Variants in OPCML observed in about 807,000 individuals in gnomAD.
The protein encoded by OPCML is opioid-binding protein/cell adhesion molecule.
OPCML carries 13 observed loss-of-function variants against 37.8 expected under a neutral mutation model. That is an observed-to-expected ratio of 0.34 (90% CI 0.22 to 0.55). The LOEUF (loss-of-function observed/expected upper bound fraction) is 0.55. Among genes scored for constraint, OPCML ranks in the 20% least tolerant of loss-of-function variants. OPCML has a pLI of 0.91. For missense variants in OPCML, 341 were observed against 435.6 expected (o/e 0.78, Z 1.93); for synonymous variants, 176 against 168.8 (o/e 1.04, Z -0.33).
chr11:132,708,332 A>T (rs1944119958), intron 2 of OPCML, among the ~76,000 whole-genome samples: 1 of 152,214 alleles, frequency 6.6e-6, no homozygotes, highest in African/African-American at 2.4e-5. Flanking sequence ...CCCAACATAC[A>T]TACACTTTCT....
intron 1 of OPCML, among the ~76,000 whole-genome samples, chr11:133,476,809 C>T (rs1947250388): frequency 6.6e-6 from 1 of 152,206 alleles, no homozygotes; most frequent in Non-Finnish European, 1.5e-5. Flanking sequence ...CCCCCGCTGG[C>T]TCTCCTTGCC....
chr11:132,794,903 A>G (rs1010702419), intron 2 of OPCML, among the ~76,000 whole-genome samples: 2 of 148,370 alleles, frequency 1.3e-5, no homozygotes, highest in Admixed American at 1.3e-4. Flanking sequence ...CATGAGTAAA[A>G]AAAAAAAAAA....
intron 1 of OPCML, among the ~76,000 whole-genome samples, chr11:132,969,194 G>A (rs116005081): frequency 0.018 from 2,685 of 150,860 alleles, 79 homozygotes; most frequent in African/African-American, 0.062. Context: ...GTTTTGCTTG[G>A]TAAACTATTT....
chr11:133,527,807 C>A (rs1948519212), intron 1 of OPCML, among the ~76,000 whole-genome samples: 2 of 152,122 alleles, frequency 1.3e-5, no homozygotes, highest in African/African-American at 4.8e-5. Flanking sequence ...ACCAAATAAG[C>A]CTCAAAGAGC....
intron 1 of OPCML, among the ~76,000 whole-genome samples, chr11:132,999,887 A>G (rs1440391734): frequency 1.3e-5 from 2 of 152,170 alleles, no homozygotes; most frequent in South Asian, 2.1e-4. Context: ...AAGTAGCCCA[A>G]CCTCTACCCA....
intron 4 of OPCML, among the ~76,000 whole-genome samples, chr11:132,497,076 A>T (rs1306593602): frequency 6.6e-6 from 1 of 152,142 alleles, no homozygotes; most frequent in African/African-American, 2.4e-5. Flanking sequence ...AAGGAATAAG[A>T]TCATGTATTT....
chr11:132,949,410 A>T (rs1351722861), intron 1 of OPCML, among the ~76,000 whole-genome samples: 1 of 152,180 alleles, frequency 6.6e-6, no homozygotes. Flanking sequence ...TTACGGAGAA[A>T]GACAAAGGGG....
At chr11:132,660,152 T>A (rs2135782758) in intron 2 of OPCML, among the ~76,000 whole-genome samples, 1 of 152,344 alleles carries the variant, frequency 6.6e-6, no homozygotes, top group Non-Finnish European at 1.5e-5. Context: ...AGGCCCCTTT[T>A]TTTAAATGCC....
chr11:132,529,666 A>T (rs1168089831), intron 3 of OPCML, among the ~76,000 whole-genome samples: 1 of 152,110 alleles, frequency 6.6e-6, no homozygotes, highest in Non-Finnish European at 1.5e-5. Context: ...GACCCTTTTA[A>T]AATCTTTGAC....
intron 2 of OPCML, among the ~76,000 whole-genome samples, chr11:132,823,603 A>T (rs1225496082): frequency 6.6e-6 from 1 of 151,948 alleles, no homozygotes; most frequent in African/African-American, 2.4e-5. Context: ...AAACAAACAA[A>T]CAAACAAACA....
intron 3 of OPCML, among the ~76,000 whole-genome samples, chr11:132,565,013 C>G (rs909386629): frequency 2.0e-5 from 3 of 152,118 alleles, no homozygotes; most frequent in Non-Finnish European, 4.4e-5. Flanking sequence ...TGGTGACAGT[C>G]CAACAAGAAG....
intron 4 of OPCML, among the ~76,000 whole-genome samples, chr11:132,466,476 T>C (rs1192585493): frequency 7.0e-6 from 1 of 143,208 alleles, no homozygotes; most frequent in East Asian, 2.3e-4. Flanking sequence ...ACAGCGAGAC[T>C]CCGTCTCGGA....
intron 2 of OPCML, among the ~76,000 whole-genome samples, chr11:132,741,469 G>T (rs1016319251): frequency 6.6e-6 from 1 of 152,082 alleles, no homozygotes; most frequent in Admixed American, 6.5e-5. Flanking sequence ...CCATCAAGTG[G>T]CATGACTCGA....
Position 132,578,379 on chromosome 11 carries a change from G to GCTA in OPCML, c.380-49196_380-49194dup, listed in dbSNP as rs200651125. 6.7e-3 allele frequency among the ~76,000 whole-genome samples: 1,019 copies of GCTA among 152,292 alleles called. 4 individuals are homozygous for GCTA. Among genetic ancestry groups the GCTA allele is most frequent in the Non-Finnish European group, 0.01 (693 of 68,028 alleles). ...AAAGAAAACAATAGCAGTAAATTCT[G>GCTA]CTACAGATGAAGTAGGATGTTCTAC... On this transcript the variant is annotated intron_variant, in intron 3 of 7. Transcript: ENST00000524381.
intron 1 of OPCML, among the ~76,000 whole-genome samples, chr11:133,234,889 G>C (rs534087189): frequency 6.6e-6 from 1 of 152,242 alleles, no homozygotes; most frequent in South Asian, 2.1e-4. Flanking sequence ...TCAAAGTCCA[G>C]GCTCGTCTCT....
chr11:133,302,960 AT>A (rs1429358705), intron 1 of OPCML, among the ~76,000 whole-genome samples: 1 of 152,198 alleles, frequency 6.6e-6, no homozygotes, highest in Non-Finnish European at 1.5e-5. Flanking sequence ...GGAATGATTA[AT>A]TTGACAACAT....
chr11:132,846,366 C>T (rs1291970124), intron 2 of OPCML, among the ~76,000 whole-genome samples: 1 of 152,214 alleles, frequency 6.6e-6, no homozygotes, highest in Non-Finnish European at 1.5e-5. Context: ...GTCTAGGAGT[C>T]AACTACATTG....
chr11:133,346,318 G>A (rs143371866), intron 1 of OPCML, among the ~76,000 whole-genome samples: 44 of 152,250 alleles, frequency 2.9e-4, no homozygotes, highest in African/African-American at 9.6e-4. Flanking sequence ...AATGCCAAGC[G>A]GGATGCTCAA....
chr11:132,477,284 G>A (rs998443406), intron 4 of OPCML, among the ~76,000 whole-genome samples: 1 of 152,224 alleles, frequency 6.6e-6, no homozygotes, highest in East Asian at 1.9e-4. Context: ...CAGTTAGCCT[G>A]TGCTGCACCA....
Sources: allele counts gnomAD v4.1 joint callset (sites outside exome capture counted in the v4.1 genomes callset), GRCh38; gene constraint gnomAD v4.1.1; transcripts MANE v1.5; gene names NCBI Gene and HGNC (gene_info 2026-07-23, HGNC 2026-07-21).